The following NISCH variants were observed in gnomAD, a reference collection of about 807,000 sequenced individuals.
The protein encoded by NISCH is nischarin, also known as I-1 receptor candidate protein.
NISCH carries 55 observed loss-of-function variants against 138.4 expected under a neutral mutation model. That is an observed-to-expected ratio of 0.40 (90% CI 0.32 to 0.50). The LOEUF is 0.50. NISCH is among the 20% of genes least tolerant of loss of function. The pLI, the probability that NISCH is intolerant of heterozygous loss-of-function variation, is 0.71. For missense variants in NISCH, 1,643 were observed against 2,005.5 expected, an observed-to-expected ratio of 0.82 and a Z score of 3.45; for synonymous variants, 860 against 861.5, an observed-to-expected ratio of 1.00 and a Z score of 0.03.
At chr3:52,464,388 C>G (rs1007071426) in intron 3 of NISCH, among the ~76,000 whole-genome samples, 2 of 151,396 alleles carry the variant, frequency 1.3e-5, no homozygotes, top group Non-Finnish European at 2.9e-5. Flanking sequence ...CAGAGTAAGA[C>G]TGTCTAAAAA....
chr3:52,488,150 C>G lies in NISCH; in HGVS notation c.2658C>G (p.Leu886=), dbSNP rs1362795967. ...SGNIEWASCT[L]CSAVRRSCCA... is the part of the protein sequence containing the mutation. ...ACATCGAGTGGGCCAGCTGCACACT[C>G]TGTTCAGCCGTGCGGCGCTCCTGCT... is the stretch of plus-strand genomic sequence containing the variant. Residue 886 remains leucine (L), a synonymous_variant, in exon 16 of 21, where the codon CTC becomes CTG. Transcript: ENST00000345716. 1.9e-6 allele frequency: 3 copies of G among 1,613,212 alleles called. No homozygotes were observed. The highest frequency in any genetic ancestry group is 2.5e-6 in the Non-Finnish European group (3 of 1,179,982).
intron 5 of NISCH, 50 bp from the exon 6 acceptor site, chr3:52,472,253 C>A (rs374887908): frequency 6.5e-7 from 1 of 1,527,760 alleles, no homozygotes; most frequent in Non-Finnish European, 9.1e-7. Context: ...CAGCACTCCC[C>A]GATGGGCATG....
chr3:52,477,955 C>A, intron 9 of NISCH, 142 bp from the exon 10 acceptor site: 1 of 883,280 alleles, frequency 1.1e-6, no homozygotes, highest in Non-Finnish European at 1.8e-6. Flanking sequence ...AGAAGAGGGA[C>A]TTCCCTTCCT....
At chr3:52,467,202 T>C (rs1433140343) in intron 3 of NISCH, among the ~76,000 whole-genome samples, 1 of 152,106 alleles carries the variant, frequency 6.6e-6, no homozygotes, top group African/African-American at 2.4e-5. Context: ...GGTTTCACCA[T>C]GTTGGCCAGG....
In NISCH at chr3:52,476,560, C is replaced by T. The variant is rs1302313526; in HGVS notation, c.879C>T (p.Asp293=). 6.2e-7 allele frequency: 1 copy of T among 1,614,166 alleles called. No homozygotes were observed. The highest frequency in any genetic ancestry group is 8.5e-7 in the Non-Finnish European group (1 of 1,180,020). The change falls in exon 8 of 21, where the codon GAC becomes GAT. Residue 293 remains aspartate (D), a synonymous_variant. Coordinates refer to ENST00000345716, the MANE Select transcript of NISCH (RefSeq NM_007184.4). ...IPTWQALTTL[D]LSHNSVSEID... ...CTTGGCAGGCATTGACCACGCTTGACCTGAGCCACAACAGCGTCTCCGAGA... is the reference window on the plus strand; with the variant it reads ...CTTGGCAGGCATTGACCACGCTTGATCTGAGCCACAACAGCGTCTCCGAGA...
At chr3:52,484,490 C>A in intron 13 of NISCH, 23 bp from the exon 14 acceptor site, 1 of 1,482,144 alleles carries the variant, frequency 6.7e-7, no homozygotes, top group South Asian at 1.2e-5. Context: ...TGCCTGCCTG[C>A]CCACCCGCCC....
intron 10 of NISCH, 64 bp from the exon 11 acceptor site, chr3:52,478,385 G>C: frequency 1.2e-6 from 2 of 1,609,836 alleles, no homozygotes; most frequent in Non-Finnish European, 1.7e-6. Flanking sequence ...ACCATGAAAC[G>C]TGTTGGCGTG....
chr3:52,463,714 C>CTTT (rs71084184), intron 3 of NISCH, among the ~76,000 whole-genome samples: 144 of 41,458 alleles, frequency 3.5e-3, no homozygotes, highest in Middle Eastern at 0.023. Context: ...TATTGAACCT[C>CTTT]TTTTTTTTTT....
In NISCH at chr3:52,484,559, C is replaced by T. The variant is rs1437758213; in HGVS notation, c.1575C>T (p.Ser525=). 6.2e-7 allele frequency: 1 copy of T among 1,613,364 alleles called. No homozygotes were observed. The highest frequency in any genetic ancestry group is 8.5e-7 in the Non-Finnish European group (1 of 1,179,828). The stretch of plus-strand genomic sequence containing the variant: ...AGGCCCTGGCCAGCAGCCTCTCGTC[C>T]ACTGACAGTCTGACTCCCGAGCACC... ...QEEALASSLS[S]TDSLTPEHQP... is the part of the protein sequence containing the mutation. Residue 525 remains serine, a synonymous_variant, in exon 14 of 21, where the codon TCC becomes TCT. Coordinates refer to ENST00000345716, the MANE Select transcript of NISCH (RefSeq NM_007184.4).
At chr3:52,461,567 A>G (rs1706632033) in intron 3 of NISCH, among the ~76,000 whole-genome samples, 1 of 152,230 alleles carries the variant, frequency 6.6e-6, no homozygotes, top group South Asian at 2.1e-4. Context: ...ATTTTAAGAA[A>G]TAATGTACTT....
intron 3 of NISCH, among the ~76,000 whole-genome samples, chr3:52,465,140 T>G (rs772879878): frequency 1.7e-4 from 26 of 152,252 alleles, no homozygotes; most frequent in Non-Finnish European, 3.5e-4. Flanking sequence ...GGATTTTGTT[T>G]GTTTTTTGAG....
In NISCH at chr3:52,481,788, C is replaced by T. The variant is rs145477312; in HGVS notation, c.1528+1493C>T. 5,047 of 985,578 alleles carry T rather than the reference C, an allele frequency of 5.1e-3. 23 individuals are homozygous for T. The highest frequency in any genetic ancestry group is 0.02 in the South Asian group (420 of 21,292). 61.1% of individuals were successfully genotyped at this position (985,578 alleles called of 1,614,324 possible). On this transcript the variant is annotated intron_variant, in intron 13 of 20. Transcript: ENST00000345716. ...CTCTGCACCAGCTCAGCCCCCTCCT[C>T]ACTCCCCTTGTGCCCTGGGGACACT...
chr3:52,478,429 A>G lies in NISCH; in HGVS notation c.1174-20A>G. ...GTGTTAAGAGAAGGGACCAAAGGGG[A>G]TGGAACTCATACCTTGCAGATGGAG... On this transcript the variant is annotated intron_variant, in intron 10 of 20. Coordinates refer to ENST00000345716, the MANE Select transcript of NISCH (RefSeq NM_007184.4). 6.2e-7 allele frequency: 1 copy of G among 1,614,170 alleles called. No homozygotes were observed. The highest frequency in any genetic ancestry group is 2.2e-5 in the East Asian group (1 of 44,880).
intron 13 of NISCH, chr3:52,481,342 T>C (rs1707265011): frequency 2.0e-6 from 2 of 996,152 alleles, no homozygotes; most frequent in East Asian, 1.1e-4. Context: ...AGCAGCACAC[T>C]GAGGTCACAC....
At chr3:52,485,872 T>C in intron 15 of NISCH, 45 bp downstream of exon 15, 2 of 1,543,754 alleles carry the variant, frequency 1.3e-6, no homozygotes, top group South Asian at 2.4e-5. Flanking sequence ...CCACACAGCC[T>C]TATGCACACA....
chr3:52,467,002 T>TTC (rs1271458862), intron 3 of NISCH, among the ~76,000 whole-genome samples: 2 of 144,702 alleles, frequency 1.4e-5, no homozygotes, highest in African/African-American at 5.0e-5. Flanking sequence ...TCTTTTTCTT[T>TTC]TTTTTTTTTT....
intron 3 of NISCH, among the ~76,000 whole-genome samples, chr3:52,465,036 T>A (rs965929848): frequency 1.3e-5 from 2 of 152,242 alleles, no homozygotes; most frequent in Non-Finnish European, 2.9e-5. Flanking sequence ...GTTCAATTTA[T>A]CAATTTCTTT....
At chr3:52,486,126 T>C (rs1056658094) in intron 15 of NISCH, among the ~76,000 whole-genome samples, 3 of 152,238 alleles carry the variant, frequency 2.0e-5, no homozygotes, top group African/African-American at 4.8e-5. Flanking sequence ...TTTTCTTTTT[T>C]TGAGACTGAG....
Position 52,492,116 on chromosome 3 carries a change from G to A in NISCH, c.4149G>A (p.Leu1383=). 4 of 1,613,140 alleles carry A rather than the reference G, an allele frequency of 2.5e-6. No homozygotes were observed. Among genetic ancestry groups the A allele is most frequent in the Middle Eastern group, 1.7e-4 (1 of 6,060 alleles). ...LLLTSSEIFL[L]DEDCVHYPLP... ...TCACCAGCTCCGAGATCTTCCTCCTGGATGAGGACTGTGTCCACTACCCAC... is the reference window on the plus strand; with the variant it reads ...TCACCAGCTCCGAGATCTTCCTCCTAGATGAGGACTGTGTCCACTACCCAC... The change falls in exon 21 of 21, where the codon CTG becomes CTA. Residue 1383 remains leucine (L), a synonymous_variant. Transcript: ENST00000345716.
Sources: gnomAD v4.1 joint callset for allele counts (sites outside exome capture counted in the v4.1 genomes callset) on GRCh38, gnomAD v4.1.1 for gene constraint, MANE v1.5 for transcripts, NCBI Gene and HGNC (gene_info 2026-07-23, HGNC 2026-07-21) for gene names.